ATAD3A: variants seen among roughly 807,000 people sequenced by gnomAD.
ATAD3A encodes ATPase family AAA domain-containing protein 3A.
In ATAD3A, 46 loss-of-function variants were observed where a neutral mutation model predicts 73.8. That is an observed-to-expected ratio of 0.62 (90% CI 0.49 to 0.80). The LOEUF is 0.80. Ranked by LOEUF, ATAD3A falls within the 30% of genes least tolerant of loss-of-function variation. ATAD3A has a pLI of 0.00. For missense variants in ATAD3A, 705 were observed against 838.0 expected (o/e 0.84, Z 1.96); for synonymous variants, 319 against 350.0 (o/e 0.91, Z 0.99).
At chr1:1,529,996 C>T (rs1030919849) in intron 15 of ATAD3A, among the ~76,000 whole-genome samples, 1 of 152,264 alleles carries the variant, frequency 6.6e-6, no homozygotes, top group Non-Finnish European at 1.5e-5. Flanking sequence ...TCCGCAGAGT[C>T]TGTGTAACAA....
In ATAD3A at chr1:1,523,673, G is replaced by A; in HGVS notation, c.963+106G>A. On this transcript the variant is annotated intron_variant, in intron 9 of 15. Coordinates refer to ENST00000378756, the MANE Select transcript of ATAD3A (RefSeq NM_001170535.3). This position sits in a 1 kb window ranked among gnomAD's most constrained non-coding sequence, Gnocchi z 5.1. ...CGTGGTGGCACCCAGGAGCTTTTGG[G>A]TCCTGAGATGCGACTGCTTGGACCG... 1 of 1,595,276 alleles carries A rather than the reference G, an allele frequency of 6.3e-7. No homozygotes were observed. The highest frequency in any genetic ancestry group is 1.1e-5 in the South Asian group (1 of 89,732).
At chr1:1,522,076 G>A (rs1048955662) in intron 7 of ATAD3A, among the ~76,000 whole-genome samples, 5 of 151,852 alleles carry the variant, frequency 3.3e-5, no homozygotes, top group African/African-American at 1.2e-4. Flanking sequence ...TTTTGCTCTT[G>A]TTGCATAGGC....
chr1:1,522,101 G>A (rs775292122), intron 7 of ATAD3A, among the ~76,000 whole-genome samples: 17 of 152,014 alleles, frequency 1.1e-4, no homozygotes, highest in African/African-American at 3.4e-4. Context: ...GTGTAGTGGC[G>A]CGGGTCCAGC....
chr1:1,514,887 T>G (rs1641306352), intron 1 of ATAD3A, among the ~76,000 whole-genome samples: 1 of 152,198 alleles, frequency 6.6e-6, no homozygotes, highest in South Asian at 2.1e-4. Context: ...TTTATTTATT[T>G]ATTTGAGATG....
chr1:1,534,104 T>A lies in ATAD3A; in HGVS notation c.*32T>A. On this transcript the variant is annotated 3_prime_UTR_variant, in exon 16 of 16. Transcript: ENST00000378756. ...AGGGAGATCCACAGCTCACGGAGCC[T>A]GGCCGCGGACCCCTCCCACCCCTGC... The A allele has an allele frequency of 1.9e-6, 3 of 1,613,254 alleles. No homozygotes were observed. The highest frequency in any genetic ancestry group is 2.5e-6 in the Non-Finnish European group (3 of 1,179,754).
At chr1:1,525,650 G>A (rs966413838) in intron 12 of ATAD3A, among the ~76,000 whole-genome samples, 3 of 152,056 alleles carry the variant, frequency 2.0e-5, no homozygotes, top group East Asian at 1.9e-4. Flanking sequence ...TCCTGACCTC[G>A]TGATCCTCCC....
At chr1:1,517,009 G>A in intron 2 of ATAD3A, 1 of 1,370,158 alleles carries the variant, frequency 7.3e-7, no homozygotes, top group Non-Finnish European at 9.7e-7. Context: ...GTCGCACCCG[G>A]TCCACTCAGC....
At chr1:1,518,604 CA>C (rs1641463293) in intron 4 of ATAD3A, among the ~76,000 whole-genome samples, 1 of 134,358 alleles carries the variant, frequency 7.4e-6, no homozygotes, top group African/African-American at 3.1e-5. Flanking sequence ...GGCACACACC[CA>C]CACACGGGCG....
At chr1:1,530,501 C>T (rs1641996263) in intron 15 of ATAD3A, among the ~76,000 whole-genome samples, 1 of 151,956 alleles carries the variant, frequency 6.6e-6, no homozygotes, top group East Asian at 1.9e-4. Context: ...CACTGCACTC[C>T]AGCCTGGATT....
At position 1,534,163 on chromosome 1, in the gene ATAD3A, T is replaced by C. The variant is rs1333744975; in HGVS notation, c.*91T>C. On this transcript the variant is annotated 3_prime_UTR_variant, in exon 16 of 16. Transcript: ENST00000378756. ...CCCCTGCACATTTAGGATATGCTCC[T>C]GGGTGGGGACTGGGCTGTGCCCAGG... is the stretch of plus-strand genomic sequence containing the variant. 14 of 1,601,266 alleles carry C rather than the reference T, an allele frequency of 8.7e-6. No homozygotes were observed. In the Admixed American group the frequency reaches 1.3e-4, roughly 15 times the overall value.
At chr1:1,532,851 G>A in intron 15 of ATAD3A, among the ~76,000 whole-genome samples, 1 of 151,986 alleles carries the variant, frequency 6.6e-6, no homozygotes. Flanking sequence ...ACCCACAGTG[G>A]CGGTGCGGCT....
chr1:1,528,375 G>A (rs879440574), intron 14 of ATAD3A, among the ~76,000 whole-genome samples: 8 of 147,258 alleles, frequency 5.4e-5, no homozygotes, highest in Non-Finnish European at 8.8e-5. Context: ...TGAGACCCCC[G>A]TGTCGGGATT....
At position 1,534,422 on chromosome 1, in the gene ATAD3A, C is replaced by T. The variant is rs1312586650; in HGVS notation, c.*350C>T. 1 of 1,291,786 alleles carries T rather than the reference C, an allele frequency of 7.7e-7. No homozygotes were observed. 80.0% of individuals were successfully genotyped at this position (1,291,786 alleles called of 1,614,324 possible). On this transcript the variant is annotated 3_prime_UTR_variant, in exon 16 of 16. Transcript: ENST00000378756. ...GCTGAGCCCCCGGGGCAGCAGGAGC[C>T]AGGCAGGTGATGTCTTTGTTCTCGG...
In ATAD3A at chr1:1,520,210, C is replaced by A; in HGVS notation, c.584C>A (p.Ala195Glu). 1 of 1,612,048 alleles carries A rather than the reference C, an allele frequency of 6.2e-7. No individual in the cohort carries two copies. Among genetic ancestry groups the A allele is most frequent in the Non-Finnish European group, 8.5e-7 (1 of 1,179,672 alleles). The change falls in exon 6 of 16, where the codon GCG (alanine) becomes GAG (glutamate). Residue 195 changes from alanine to glutamate, a missense_variant. Ala to Glu is a moderately radical substitution (Grantham distance 107). Around this residue, in one of 5 missense-constraint regions of ATAD3A, gnomAD observed 315 missense variants for 334.1 expected, o/e 0.94. Coordinates refer to ENST00000378756, the MANE Select transcript of ATAD3A (RefSeq NM_001170535.3). This position sits in a 1 kb window ranked among gnomAD's most constrained non-coding sequence, Gnocchi z 4.0. The stretch of plus-strand genomic sequence containing the variant: ...CTGCGAGTGGAGGCCGAGGCCCGGG[C>A]GCGCGCCAAGGCCGAGCGGGAGAAT... ...EMLRVEAEARARAKAERENAD... is the reference protein window; with the variant it reads ...EMLRVEAEARERAKAERENAD...
At position 1,534,007 on chromosome 1, in the gene ATAD3A, C is replaced by T; in HGVS notation, c.1696C>T (p.Gln566Ter). The T allele has an allele frequency of 6.2e-7, 1 of 1,613,650 alleles. No homozygotes were observed. Among genetic ancestry groups the T allele is most frequent in the Non-Finnish European group, 8.5e-7 (1 of 1,179,950 alleles). The change falls in exon 16 of 16, where the codon CAG (glutamine) becomes TAG (stop). Residue 566 changes from glutamine to a stop codon, truncating the protein, a stop_gained. Transcript: ENST00000378756. LOFTEE classifies it low-confidence loss of function (END_TRUNC). ...CGTGCAAGATGCTGTCCAGCAGCAC[C>T]AGCAGAAGATGTGCTGGCTGAAGGC... ...TRVQDAVQQH[Q>*]QKMCWLKAEG...
chr1:1,521,443 C>T (rs1194641596), intron 7 of ATAD3A, among the ~76,000 whole-genome samples: 1 of 152,090 alleles, frequency 6.6e-6, no homozygotes, highest in Non-Finnish European at 1.5e-5. Flanking sequence ...CTTTTGTGCC[C>T]AGCCTCCGGC....
chr1:1,526,791 C>T (rs1641863047), intron 13 of ATAD3A, among the ~76,000 whole-genome samples: 1 of 152,234 alleles, frequency 6.6e-6, no homozygotes, highest in Non-Finnish European at 1.5e-5. Context: ...CCCCAGCTTG[C>T]AGGTCCCTCT....
intron 2 of ATAD3A, 137 bp downstream of exon 2, chr1:1,516,225 G>A (rs996432773): frequency 8.9e-6 from 12 of 1,355,380 alleles, no homozygotes; most frequent in African/African-American, 4.4e-5. Flanking sequence ...AAGCTTGGGC[G>A]CCTCATTTCA....
At position 1,523,600 on chromosome 1, in the gene ATAD3A, A is replaced by C. The variant is rs752770908; in HGVS notation, c.963+33A>C. On this transcript the variant is annotated intron_variant, in intron 9 of 15. Transcript: ENST00000378756. The surrounding 1 kb of genome is among the most constrained non-coding windows in gnomAD (Gnocchi z 5.1). The stretch of plus-strand genomic sequence containing the variant: ...GGTGTGCCTGGGACCGGGGAGGCGC[A>C]GGGAGGGGACCCTGGAGCTGGGCCG... 2 of 1,612,118 alleles carry C rather than the reference A, an allele frequency of 1.2e-6. No individual in the cohort carries two copies. The highest frequency in any genetic ancestry group is 1.7e-6 in the Non-Finnish European group (2 of 1,179,654).
Sources: allele counts gnomAD v4.1 joint callset (sites outside exome capture counted in the v4.1 genomes callset), GRCh38; gene constraint gnomAD v4.1.1; regional missense constraint gnomAD v4.1.1; non-coding constraint Gnocchi (gnomAD v3.1); transcripts MANE v1.5; gene names NCBI Gene and HGNC (gene_info 2026-07-23, HGNC 2026-07-21).